Variants in BAIAP2L1 observed in about 807,000 individuals in gnomAD.
BAIAP2L1 encodes the protein BAR/IMD domain-containing adapter protein 2-like 1.
Under a neutral mutation model 66.3 loss-of-function variants are expected in BAIAP2L1, and 35 were observed. The observed-to-expected ratio is 0.53, with a 90% CI of 0.40 to 0.70. BAIAP2L1 has a LOEUF of 0.70. Ranked by LOEUF, BAIAP2L1 falls within the 30% of genes least tolerant of loss-of-function variation. The probability of loss-of-function intolerance (pLI) is 0.00; values close to 1 mark genes in which losing one functional copy is unlikely to be tolerated. For synonymous variants in BAIAP2L1, 269 were observed against 248.7 expected (o/e 1.08, Z -0.77); for missense variants, 622 against 656.9 (o/e 0.95, Z 0.58).
chr7:98,382,210 C>T (rs974507523), intron 1 of BAIAP2L1, among the ~76,000 whole-genome samples: 2 of 151,966 alleles, frequency 1.3e-5, no homozygotes, highest in African/African-American at 2.4e-5. Context: ...CGTGAGCAAC[C>T]GTGCCCAGCC....
intron 1 of BAIAP2L1, among the ~76,000 whole-genome samples, chr7:98,386,933 T>C (rs1401744107): frequency 6.6e-6 from 1 of 152,018 alleles, no homozygotes; most frequent in Non-Finnish European, 1.5e-5. Flanking sequence ...TCTCTTGACT[T>C]CGTGATCTGC....
chr7:98,400,889 C>A lies in BAIAP2L1; in HGVS notation c.-37G>T. On this transcript the variant is annotated 5_prime_UTR_variant, in exon 1 of 14. Transcript: ENST00000005260. ...CCGGGCGAGCAAGCGCGGGAGGACG[C>A]GGCTGGGCCTCGTGGCCGCCGGACT... is the stretch of plus-strand genomic sequence containing the variant. 1 of 1,521,310 alleles carries A rather than the reference C, an allele frequency of 6.6e-7. No individual in the cohort carries two copies. Among genetic ancestry groups the A allele is most frequent in the South Asian group, 1.2e-5 (1 of 81,864 alleles). 94.2% of individuals were successfully genotyped at this position (1,521,310 alleles called of 1,614,324 possible). A position where few individuals can be genotyped will look rare whatever the true frequency, so the allele number is the denominator to read the frequency against.
At chr7:98,310,619 T>G (rs1800831846) in intron 8 of BAIAP2L1, 27 bp from the exon 9 acceptor site, 1 of 1,534,290 alleles carries the variant, frequency 6.5e-7, no homozygotes. Context: ...ATTAGTCCAA[T>G]ATTAGTATAG....
intron 6 of BAIAP2L1, among the ~76,000 whole-genome samples, chr7:98,316,412 C>T (rs923880583): frequency 6.6e-6 from 1 of 152,124 alleles, no homozygotes; most frequent in African/African-American, 2.4e-5. Flanking sequence ...AGAGTCCCTT[C>T]TTCTTTCAGA....
chr7:98,341,634 A>G (rs1021209631), intron 3 of BAIAP2L1, among the ~76,000 whole-genome samples: 2 of 152,186 alleles, frequency 1.3e-5, no homozygotes, highest in Non-Finnish European at 2.9e-5. Flanking sequence ...CCAGCCACTG[A>G]CCAGATACGC....
At chr7:98,387,025 C>T (rs1802911000) in intron 1 of BAIAP2L1, among the ~76,000 whole-genome samples, 1 of 152,112 alleles carries the variant, frequency 6.6e-6, no homozygotes, top group Non-Finnish European at 1.5e-5. Flanking sequence ...AAAGACTGTA[C>T]ATCGCCTTAA....
intron 1 of BAIAP2L1, among the ~76,000 whole-genome samples, chr7:98,370,397 G>C (rs991130321): frequency 1.4e-5 from 2 of 140,704 alleles, no homozygotes; most frequent in Non-Finnish European, 3.1e-5. Context: ...AAAAAGATTT[G>C]CAACTACAGT....
At chr7:98,383,438 CA>C (rs908812064) in intron 1 of BAIAP2L1, among the ~76,000 whole-genome samples, 1 of 151,910 alleles carries the variant, frequency 6.6e-6, no homozygotes, top group Non-Finnish European at 1.5e-5. Flanking sequence ...CATGCGCCAC[CA>C]CGCTTGGCTA....
intron 6 of BAIAP2L1, among the ~76,000 whole-genome samples, chr7:98,316,541 A>C (rs1046153109): frequency 6.6e-6 from 1 of 152,164 alleles, no homozygotes; most frequent in Non-Finnish European, 1.5e-5. Flanking sequence ...CTGATAGATT[A>C]TATATTTATA....
rs1299616792 is a variant in BAIAP2L1, at chr7:98,355,148, C to A, written c.128-20G>T. The A allele has an allele frequency of 6.4e-7, 1 of 1,554,398 alleles. No individual in the cohort carries two copies. Among genetic ancestry groups the A allele is most frequent in the East Asian group, 2.2e-5 (1 of 44,484 alleles). On this transcript the variant is annotated intron_variant, in intron 2 of 13. Coordinates refer to ENST00000005260, the MANE Select transcript of BAIAP2L1 (RefSeq NM_018842.5). ...TCATAGCTAGACACAAAAGGTGACA[C>A]ACAAAATCGTCACTTAGACAAGGAA...
At position 98,331,976 on chromosome 7, in the gene BAIAP2L1, A is replaced by G. The variant is rs770934667; in HGVS notation, c.215-11678T>C. 9.7e-4 allele frequency among the ~76,000 whole-genome samples: 148 copies of G among 152,204 alleles called. 1 individual carries two copies. Among genetic ancestry groups the G allele is most frequent in the Non-Finnish European group, 1.7e-3 (114 of 68,038 alleles). On this transcript the variant is annotated intron_variant, in intron 3 of 13. Coordinates refer to ENST00000005260, the MANE Select transcript of BAIAP2L1 (RefSeq NM_018842.5). ...GAAGAAGAGATAAAGACATTCTCAGACAAACAAAAACTGAGGGGATTGGTT... is the reference window on the plus strand; with the variant it reads ...GAAGAAGAGATAAAGACATTCTCAGGCAAACAAAAACTGAGGGGATTGGTT...
chr7:98,306,822 C>T, intron 10 of BAIAP2L1: 1 of 377,998 alleles, frequency 2.6e-6, no homozygotes, highest in Non-Finnish European at 4.9e-6. Flanking sequence ...ATCCCCCTGC[C>T]TCAGCATCCG....
chr7:98,364,266 G>A (rs1041525709), intron 1 of BAIAP2L1, among the ~76,000 whole-genome samples: 1 of 151,986 alleles, frequency 6.6e-6, no homozygotes, highest in African/African-American at 2.4e-5. Flanking sequence ...GTTTCTTTCC[G>A]CCCCGCCACC....
intron 1 of BAIAP2L1, among the ~76,000 whole-genome samples, chr7:98,362,935 G>A (rs1304353117): frequency 6.6e-6 from 1 of 152,084 alleles, no homozygotes; most frequent in Admixed American, 6.6e-5. Context: ...TGTGGGCGGG[G>A]AGGGACGTGA....
intron 3 of BAIAP2L1, among the ~76,000 whole-genome samples, chr7:98,331,897 G>A (rs967201101): frequency 6.6e-6 from 1 of 151,976 alleles, no homozygotes; most frequent in Non-Finnish European, 1.5e-5. Context: ...CTTAAGTGTT[G>A]GAAGAAAAAA....
rs138915707 is a variant in BAIAP2L1 at position 98,304,336 on chromosome 7, C to T, written c.1282G>A (p.Glu428Lys). The change falls in exon 12 of 14, where the codon GAG becomes AAG. Residue 428 changes from glutamate to lysine, a missense_variant. Physicochemically the swap from Glu to Lys is moderately conservative, Grantham distance 56. Transcript: ENST00000005260. The stretch of plus-strand genomic sequence containing the variant: ...GGGGGGATGACAACACTGCTATTCT[C>T]AGACAAGTTCACGGTGCTGATGCTT... Reference protein sequence around the residue: ...VRSISTVNLSENSSVVIPPPD... With the variant: ...VRSISTVNLSKNSSVVIPPPD... 5.6e-5 allele frequency: 90 copies of T among 1,613,646 alleles called. No individual in the cohort carries two copies. The highest frequency in any genetic ancestry group is 7.5e-5 in the Non-Finnish European group (88 of 1,179,834).
intron 1 of BAIAP2L1, among the ~76,000 whole-genome samples, chr7:98,372,733 GTTTTTT>G (rs34330041): frequency 4.7e-4 from 44 of 93,814 alleles, no homozygotes; most frequent in Non-Finnish European, 7.8e-4. Context: ...ATCGATTTTG[GTTTTTT>G]TTTTTTTTTT....
intron 3 of BAIAP2L1, among the ~76,000 whole-genome samples, chr7:98,328,398 CG>C (rs1247278677): frequency 6.6e-6 from 1 of 152,106 alleles, no homozygotes; most frequent in African/African-American, 2.4e-5. Flanking sequence ...TGTGCATCCC[CG>C]GGAAGTTCCC....
intron 12 of BAIAP2L1, among the ~76,000 whole-genome samples, chr7:98,295,236 C>T (rs1379743709): frequency 6.6e-6 from 1 of 152,174 alleles, no homozygotes; most frequent in Non-Finnish European, 1.5e-5. Context: ...GTTGGGTGTA[C>T]AGGCTGTGGA....
Sources: gnomAD v4.1 joint callset for allele counts (sites outside exome capture counted in the v4.1 genomes callset) on GRCh38, gnomAD v4.1.1 for gene constraint, MANE v1.5 for transcripts, NCBI Gene and HGNC (gene_info 2026-07-23, HGNC 2026-07-21) for gene names.